TNIP3: variants seen among roughly 807,000 people sequenced by gnomAD.
The protein encoded by TNIP3 is TNFAIP3 interacting protein 3.
A neutral mutation model predicts 54.1 loss-of-function variants in TNIP3; 34 were observed. That is an observed-to-expected ratio of 0.63 (90% CI 0.48 to 0.84). The LOEUF is 0.84. Among genes scored for constraint, TNIP3 ranks in the 40% least tolerant of loss-of-function variants. The pLI is 0.00. For synonymous variants in TNIP3, 134 were observed against 136.8 expected (o/e 0.98, Z 0.14); for missense variants, 366 against 387.6 (o/e 0.94, Z 0.47).
At chr4:121,196,422 A>T (rs1725588359) in intron 2 of TNIP3, among the ~76,000 whole-genome samples, 1 of 152,216 alleles carries the variant, frequency 6.6e-6, no homozygotes, top group East Asian at 1.9e-4. Flanking sequence ...TAAATCGACG[A>T]ATATAATATT....
At chr4:121,186,227 T>TG (rs918073442) in intron 2 of TNIP3, among the ~76,000 whole-genome samples, 1 of 151,870 alleles carries the variant, frequency 6.6e-6, no homozygotes, top group Non-Finnish European at 1.5e-5. Flanking sequence ...TGACCAGACG[T>TG]GGGGGGGTTT....
Position 121,154,672 on chromosome 4 carries a change from T to G in TNIP3, c.371A>C (p.Lys124Thr). Residue 124 changes from lysine (K) to threonine (T), a missense_variant, in exon 5 of 11, where the codon AAG (lysine) becomes ACG (threonine). By Grantham distance (78) the Lys-to-Thr change is moderately conservative. Coordinates refer to ENST00000057513, the MANE Select transcript of TNIP3 (RefSeq NM_024873.6). ...RDRLQREEKE[K>T]ERLNEELHEL... ...ATGTAATTCTTCATTTAGGCGTTCC[T>G]TTTCCTTCTGAAGTTAAGACCAAGA... 3 of 1,605,376 alleles carry G rather than the reference T, an allele frequency of 1.9e-6. No homozygotes were observed. Among genetic ancestry groups the G allele is most frequent in the Non-Finnish European group, 2.5e-6 (3 of 1,177,008 alleles).
intron 2 of TNIP3, among the ~76,000 whole-genome samples, chr4:121,186,763 A>T (rs1229724841): frequency 6.6e-6 from 1 of 152,212 alleles, no homozygotes; most frequent in East Asian, 1.9e-4. Flanking sequence ...GGAGCCATAA[A>T]TTTAGTATAC....
chr4:121,216,140 C>T (rs1384745337), intron 2 of TNIP3, among the ~76,000 whole-genome samples: 1 of 152,096 alleles, frequency 6.6e-6, no homozygotes, highest in Non-Finnish European at 1.5e-5. Flanking sequence ...AAACCATCCA[C>T]CAAGGCTTGT....
chr4:121,168,589 T>C (rs1169790633), upstream of TNIP3, among the ~76,000 whole-genome samples: 2 of 150,860 alleles, frequency 1.3e-5, no homozygotes, highest in African/African-American at 2.4e-5. Context: ...GGTACAATCA[T>C]AGCTCATTGT....
chr4:121,147,284 C>A, intron 6 of TNIP3, 110 bp from the exon 7 acceptor site: 2 of 1,335,544 alleles, frequency 1.5e-6, no homozygotes, highest in South Asian at 1.6e-5. Flanking sequence ...AGAACCCTCC[C>A]AACTAGTGTT....
intron 2 of TNIP3, among the ~76,000 whole-genome samples, chr4:121,186,290 A>G (rs1041084835): frequency 6.6e-6 from 1 of 152,176 alleles, no homozygotes; most frequent in East Asian, 1.9e-4. Flanking sequence ...TGGGAGGGAT[A>G]CGTTTTGAGC....
intron 2 of TNIP3, among the ~76,000 whole-genome samples, chr4:121,208,251 G>A (rs1181003162): frequency 6.6e-6 from 1 of 152,124 alleles, no homozygotes; most frequent in Non-Finnish European, 1.5e-5. Context: ...TTATGGTTTA[G>A]GAGTCATGCA....
At chr4:121,214,711 C>A (rs1487269780) in intron 2 of TNIP3, among the ~76,000 whole-genome samples, 1 of 152,148 alleles carries the variant, frequency 6.6e-6, no homozygotes, top group Non-Finnish European at 1.5e-5. Context: ...AACATCACAT[C>A]ATATATTTTT....
At chr4:121,157,336 G>C (rs1730178656) in intron 3 of TNIP3, 93 bp from the exon 4 acceptor site, 1 of 1,534,328 alleles carries the variant, frequency 6.5e-7, no homozygotes, top group East Asian at 2.3e-5. Context: ...TGGCAGAAAC[G>C]CCCCACCCCA....
At chr4:121,160,513 T>C (rs542111923) in intron 2 of TNIP3, among the ~76,000 whole-genome samples, 32 of 151,900 alleles carry the variant, frequency 2.1e-4, no homozygotes, top group Non-Finnish European at 3.5e-4. Flanking sequence ...ATTGACAATA[T>C]ACAGAGTGCT....
At chr4:121,147,348 T>C (rs1729491714) in intron 6 of TNIP3, among the ~76,000 whole-genome samples, 174 bp from the exon 7 acceptor site, 1 of 152,232 alleles carries the variant, frequency 6.6e-6, no homozygotes, top group African/African-American at 2.4e-5. Context: ...GGCTTTGATG[T>C]ATGAATACTG....
intron 2 of TNIP3, among the ~76,000 whole-genome samples, chr4:121,212,706 T>C (rs1225866337): frequency 6.6e-6 from 1 of 152,202 alleles, no homozygotes; most frequent in Non-Finnish European, 1.5e-5. Flanking sequence ...GGACGGAAGA[T>C]ACATTTTCAG....
At chr4:121,142,704 C>G in intron 8 of TNIP3, 22 bp downstream of exon 8, 1 of 1,594,404 alleles carries the variant, frequency 6.3e-7, no homozygotes, top group East Asian at 2.2e-5. Context: ...TAAATGTATG[C>G]GTGAAAATTA....
chr4:121,151,796 G>C (rs569486920), intron 5 of TNIP3, among the ~76,000 whole-genome samples: 2 of 152,264 alleles, frequency 1.3e-5, no homozygotes, highest in East Asian at 3.9e-4. Context: ...ATAAATGAAA[G>C]ATGAGTCTAA....
intron 6 of TNIP3, 98 bp downstream of exon 6, chr4:121,150,005 G>A: frequency 1.4e-6 from 1 of 722,970 alleles, no homozygotes; most frequent in Non-Finnish European, 2.4e-6. Flanking sequence ...AAAAACCTTT[G>A]ACATATTTCT....
chr4:121,192,092 A>G (rs1246886731), intron 2 of TNIP3, among the ~76,000 whole-genome samples: 1 of 152,168 alleles, frequency 6.6e-6, no homozygotes, highest in Non-Finnish European at 1.5e-5. Flanking sequence ...TTTCACATCT[A>G]TATTGGAATT....
chr4:121,148,147 G>C (rs1178633696), intron 6 of TNIP3, among the ~76,000 whole-genome samples: 1 of 152,170 alleles, frequency 6.6e-6, no homozygotes, highest in Non-Finnish European at 1.5e-5. Context: ...CATCTGATTA[G>C]AATTAAACAC....
intron 2 of TNIP3, among the ~76,000 whole-genome samples, chr4:121,186,501 G>A (rs1299300413): frequency 1.3e-5 from 2 of 152,138 alleles, no homozygotes. Flanking sequence ...AAATCAACAT[G>A]CTTTTAGAGT....
Sources: gnomAD v4.1 joint callset for allele counts (sites outside exome capture counted in the v4.1 genomes callset) on GRCh38, gnomAD v4.1.1 for gene constraint, MANE v1.5 for transcripts, NCBI Gene and HGNC (gene_info 2026-07-23, HGNC 2026-07-21) for gene names.